PRIM2: variants seen among roughly 807,000 people sequenced by gnomAD.
PRIM2 encodes DNA primase subunit 2.
A neutral mutation model predicts 67.3 loss-of-function variants in PRIM2; 39 were observed. That is an observed-to-expected ratio of 0.58 (90% confidence interval 0.45 to 0.76). The LOEUF (loss-of-function observed/expected upper bound fraction) is 0.76. PRIM2 is among the 30% of genes least tolerant of loss of function. The pLI, the probability that PRIM2 is intolerant of heterozygous loss-of-function variation, is 0.00. For synonymous variants in PRIM2, 143 were observed against 198.7 expected (o/e 0.72, Z 2.36); for missense variants, 398 against 598.7 (o/e 0.66, Z 3.50).
At chr6:57,412,938 A>G (rs865929377) in intron 7 of PRIM2, among the ~76,000 whole-genome samples, 1 of 152,164 alleles carries the variant, frequency 6.6e-6, no homozygotes, top group South Asian at 2.1e-4. Context: ...TATAAGAACC[A>G]TAGTCTTATC....
chr6:57,389,876 G>A (rs1770272324), intron 7 of PRIM2, among the ~76,000 whole-genome samples: 1 of 152,022 alleles, frequency 6.6e-6, no homozygotes, highest in African/African-American at 2.4e-5. Context: ...CTTACTATTT[G>A]TGTACAACTA....
At chr6:57,638,576 C>CAAAAAAAAAAAAAAA (rs1227220865) in intron 13 of PRIM2, among the ~76,000 whole-genome samples, 17 of 31,992 alleles carry the variant, frequency 5.3e-4, no homozygotes, top group South Asian at 1.8e-3. Context: ...AAACAGAAAG[C>CAAAAAAAAAAAAAAA]AAAAAAAAAA....
chr6:57,502,149 C>T (rs1207285441), intron 7 of PRIM2, among the ~76,000 whole-genome samples: 15 of 152,114 alleles, frequency 9.9e-5, no homozygotes, highest in Admixed American at 7.9e-4. Context: ...TTTAAGCCCC[C>T]CAGCCAAGGG....
chr6:57,263,006 T>A, the PRIM2 span, among the ~76,000 whole-genome samples: 9 of 152,236 alleles, frequency 5.9e-5, no homozygotes, highest in Non-Finnish European at 1.2e-4. Context: ...AGATGACTTC[T>A]GTATATGAGC....
chr6:57,386,642 G>A (rs982879863), intron 7 of PRIM2, among the ~76,000 whole-genome samples: 3 of 149,768 alleles, frequency 2.0e-5, no homozygotes, highest in African/African-American at 7.4e-5. Context: ...TTGCCTGGGA[G>A]CCTGTCCTGA....
At chr6:57,502,414 A>G (rs1167380690) in intron 7 of PRIM2, among the ~76,000 whole-genome samples, 5 of 152,166 alleles carry the variant, frequency 3.3e-5, no homozygotes, top group Non-Finnish European at 7.4e-5. Context: ...AGGCCAGTCT[A>G]TGGAGGATGC....
the PRIM2 span, among the ~76,000 whole-genome samples, chr6:57,277,739 G>C: frequency 6.6e-6 from 1 of 152,100 alleles, no homozygotes; most frequent in Non-Finnish European, 1.5e-5. Flanking sequence ...CCAGCAATTT[G>C]GGAGGCCAAG....
intron 7 of PRIM2, among the ~76,000 whole-genome samples, chr6:57,489,372 C>G (rs1283147131): frequency 7.1e-6 from 1 of 139,980 alleles, no homozygotes; most frequent in South Asian, 2.3e-4. Context: ...CTAGCTAACA[C>G]GGTGAAACCC....
At chr6:57,606,337 T>C in intron 11 of PRIM2, 38 bp from the exon 12 acceptor site, 1 of 1,532,876 alleles carries the variant, frequency 6.5e-7, no homozygotes, top group East Asian at 2.3e-5. Flanking sequence ...TGTGGATAAA[T>C]AACCTTGTTT....
intron 12 of PRIM2, among the ~76,000 whole-genome samples, chr6:57,607,253 T>G (rs1489753318): frequency 2.0e-5 from 3 of 152,160 alleles, no homozygotes; most frequent in African/African-American, 7.2e-5. Context: ...GTGTCCAAAG[T>G]TCAGATAACA....
chr6:57,260,404 G>A, the PRIM2 span, among the ~76,000 whole-genome samples: 9 of 152,088 alleles, frequency 5.9e-5, no homozygotes, highest in Admixed American at 5.9e-4. Flanking sequence ...GCATGGTGGG[G>A]GTTTGGTATT....
At chr6:57,336,389 C>T (rs1317876832) in intron 5 of PRIM2, among the ~76,000 whole-genome samples, 1 of 152,086 alleles carries the variant, frequency 6.6e-6, no homozygotes, top group Non-Finnish European at 1.5e-5. Flanking sequence ...AGAAGAGCAA[C>T]TGCAAGACAC....
At chr6:57,262,007 T>G in the PRIM2 span, among the ~76,000 whole-genome samples, 1 of 152,198 alleles carries the variant, frequency 6.6e-6, no homozygotes, top group Admixed American at 6.5e-5. Context: ...TGAGTTCTGT[T>G]TTCTGCCAGA....
the PRIM2 span, among the ~76,000 whole-genome samples, chr6:57,261,209 G>A: frequency 4.6e-5 from 7 of 152,322 alleles, no homozygotes; most frequent in Middle Eastern, 3.4e-3. Flanking sequence ...GAAGCCTAAA[G>A]TGGGAGAGTA....
At chr6:57,449,767 GAAAGAA>G (rs1475206692) in intron 7 of PRIM2, among the ~76,000 whole-genome samples, 1 of 152,074 alleles carries the variant, frequency 6.6e-6, no homozygotes, top group Non-Finnish European at 1.5e-5. Context: ...AACTTTAATG[GAAAGAA>G]AATGTTAATT....
intron 10 of PRIM2, among the ~76,000 whole-genome samples, chr6:57,598,940 CTTTTTT>C (rs1196895159): frequency 1.3e-4 from 1 of 7,594 alleles, no homozygotes; most frequent in Non-Finnish European, 2.0e-4. Context: ...TGACTGAGCT[CTTTTTT>C]TTTTTTTTTT....
At chr6:57,448,110 T>C (rs1581913901) in intron 7 of PRIM2, among the ~76,000 whole-genome samples, 1 of 152,370 alleles carries the variant, frequency 6.6e-6, no homozygotes, top group South Asian at 2.1e-4. Context: ...TAGCATGCAC[T>C]TTCTCCAGTG....
At chr6:57,591,197 A>G (rs1422143075) in intron 10 of PRIM2, among the ~76,000 whole-genome samples, 1,733 of 152,358 alleles carry the variant, frequency 0.011, 31 homozygotes, top group African/African-American at 0.039. Context: ...ATTTAGTTAC[A>G]TAAGAATTTA....
intron 10 of PRIM2, among the ~76,000 whole-genome samples, chr6:57,582,839 A>T (rs1302505738): frequency 1.3e-5 from 2 of 150,978 alleles, no homozygotes; most frequent in African/African-American, 2.4e-5. Context: ...CACAATGTGC[A>T]GGTTAGTTAC....
Sources: allele counts gnomAD v4.1 joint callset (sites outside exome capture counted in the v4.1 genomes callset), GRCh38; gene constraint gnomAD v4.1.1; transcripts MANE v1.5; gene names NCBI Gene and HGNC (gene_info 2026-07-23, HGNC 2026-07-21).